The following SHROOM2 variants were observed in gnomAD, a reference collection of about 807,000 sequenced individuals.
SHROOM2 encodes shroom family member 2.
In SHROOM2, 33 loss-of-function variants were observed where a neutral mutation model predicts 75.9. The observed-to-expected ratio is 0.43, with a 90% CI of 0.33 to 0.58. SHROOM2 has a LOEUF of 0.58. SHROOM2 is among the 20% of genes least tolerant of loss of function. The pLI is 0.04. For synonymous variants in SHROOM2, 655 were observed against 663.6 expected (o/e 0.99, Z 0.20); for missense variants, 1,434 against 1,461.2 (o/e 0.98, Z 0.30).
At chrX:9,920,132 C>T (rs768584083) in intron 5 of SHROOM2, among the ~76,000 whole-genome samples, 11 of 108,973 alleles carry the variant, frequency 1.0e-4, no homozygotes, top group East Asian at 8.8e-4. Flanking sequence ...CATCTCAACT[C>T]GCTACAACTC....
chrX:9,796,854 A>G (rs1362958393), intron 1 of SHROOM2, among the ~76,000 whole-genome samples: 1 of 111,051 alleles, frequency 9.0e-6, no homozygotes, highest in Non-Finnish European at 1.9e-5. Flanking sequence ...CATATTGCCC[A>G]GGGTGGTCTC....
At chrX:9,839,002 C>T (rs905168119) in intron 1 of SHROOM2, among the ~76,000 whole-genome samples, 5 of 111,108 alleles carry the variant, frequency 4.5e-5, no homozygotes, top group Admixed American at 9.6e-5. Context: ...TGGACCCTTT[C>T]CTTCCCTGTC....
At chrX:9,809,442 A>G (rs185582384) in intron 1 of SHROOM2, among the ~76,000 whole-genome samples, 43 of 111,778 alleles carry the variant, frequency 3.8e-4, no homozygotes, top group African/African-American at 1.2e-3. Context: ...AGACACACCC[A>G]GGATCAATAC....
At chrX:9,925,427 T>C (rs1054081335) in intron 5 of SHROOM2, among the ~76,000 whole-genome samples, 1 of 112,873 alleles carries the variant, frequency 8.9e-6, no homozygotes, top group Non-Finnish European at 1.9e-5. Flanking sequence ...TTCTGTGCTT[T>C]ACAGAATCCC....
At chrX:9,790,774 C>T (rs1445675665) in intron 1 of SHROOM2, among the ~76,000 whole-genome samples, 1 of 111,536 alleles carries the variant, frequency 9.0e-6, no homozygotes, top group African/African-American at 3.3e-5. Flanking sequence ...TTGGTAGGCC[C>T]GCCTTGCCAA....
In SHROOM2 at chrX:9,939,375, G is replaced by A. The variant is rs747087791; in HGVS notation, c.4311+9G>A. The A allele has an allele frequency of 3.4e-6, 4 of 1,190,875 alleles. No homozygotes were observed. The highest frequency in any genetic ancestry group is 4.5e-6 in the Non-Finnish European group (4 of 884,172). On this transcript the variant is annotated intron_variant, in intron 8 of 9. Transcript: ENST00000380913. ...ACCTGTCGGTGAAGAAGGTAGGAGA[G>A]TCCATTCCAAATGACAGCGTGTGCG...
chrX:9,823,158 TCTTCTTTTC>T (rs2083868016), intron 1 of SHROOM2, among the ~76,000 whole-genome samples: 1 of 37,907 alleles, frequency 2.6e-5, no homozygotes, highest in South Asian at 1.3e-3. Context: ...TCTTCCTTCT[TCTTCTTTTC>T]TTCTTCTTCT....
At chrX:9,898,912 C>T (rs995135291) in intron 5 of SHROOM2, among the ~76,000 whole-genome samples, 17 of 111,213 alleles carry the variant, frequency 1.5e-4, no homozygotes, top group South Asian at 7.6e-4. Flanking sequence ...GCGCCGTAGC[C>T]GCTTAGTTGA....
intron 1 of SHROOM2, among the ~76,000 whole-genome samples, chrX:9,840,610 A>G (rs1324247499): frequency 3.6e-5 from 4 of 112,213 alleles, no homozygotes; most frequent in Non-Finnish European, 7.5e-5. Flanking sequence ...TCAGAATTCT[A>G]TGAAATCATT....
chrX:9,894,499 CG>C lies in SHROOM2; in HGVS notation c.592del (p.Asp198ThrfsTer263), dbSNP rs1569160533. 8.3e-7 allele frequency: 1 copy of C among 1,211,281 alleles called. No homozygotes were observed. The highest frequency in any genetic ancestry group is 2.2e-5 in the Admixed American group (1 of 46,020). ...LSVAKSNSSIDHLGSHSKRDS... is the reference protein window; with the variant it reads ...LSVAKSNSSIXHLGSHSKRDS... ...CGGTGGCCAAGTCCAACAGCAGCAT[CG>C]ACCACCTGGGCAGCCACAGCAAGCG... On this transcript the variant is annotated frameshift_variant, in exon 4 of 10. Transcript: ENST00000380913. LOFTEE classifies it high-confidence loss of function.
At chrX:9,816,665 G>A in intron 1 of SHROOM2, among the ~76,000 whole-genome samples, 1 of 110,813 alleles carries the variant, frequency 9.0e-6, no homozygotes, top group East Asian at 2.9e-4. Flanking sequence ...AAGTGGACAT[G>A]GGGTTGATTC....
intron 5 of SHROOM2, among the ~76,000 whole-genome samples, chrX:9,908,783 C>G (rs1039863280): frequency 1.8e-5 from 2 of 108,580 alleles, no homozygotes; most frequent in African/African-American, 6.7e-5. Context: ...GAGACCCCAT[C>G]TCTACAAAAA....
chrX:9,937,821 C>T, intron 7 of SHROOM2, 136 bp downstream of exon 7: 1 of 567,492 alleles, frequency 1.8e-6, no homozygotes, highest in Admixed American at 4.2e-5. Flanking sequence ...CTCCTCGATG[C>T]TTAGCACTTT....
chrX:9,898,420 G>A (rs1265767077), intron 5 of SHROOM2, 130 bp downstream of exon 5: 6 of 503,160 alleles, frequency 1.2e-5, no homozygotes, highest in South Asian at 6.5e-5. Flanking sequence ...GAAATCCGGC[G>A]TGATTTCTAG....
intron 2 of SHROOM2, among the ~76,000 whole-genome samples, chrX:9,881,239 T>C (rs1281897078): frequency 8.9e-6 from 1 of 112,162 alleles, no homozygotes; most frequent in Admixed American, 9.5e-5. Context: ...TGTGCTTGCC[T>C]TTAATAGTAC....
intron 2 of SHROOM2, among the ~76,000 whole-genome samples, chrX:9,883,956 G>A (rs1294122562): frequency 1.8e-5 from 2 of 111,390 alleles, no homozygotes; most frequent in Non-Finnish European, 3.8e-5. Flanking sequence ...ATCCTGGACC[G>A]GTATCTGCAA....
intron 2 of SHROOM2, among the ~76,000 whole-genome samples, chrX:9,876,523 GTC>G (rs1170304876): frequency 1.8e-5 from 2 of 112,094 alleles, no homozygotes; most frequent in Non-Finnish European, 3.8e-5. Flanking sequence ...TCTGCCTTCT[GTC>G]TCTATGGATT....
At position 9,937,519 on chromosome X, in the gene SHROOM2, G is replaced by T. The variant is rs768256757; in HGVS notation, c.3973G>T (p.Gly1325Trp). ...KSEELAREIV[G>W]KDKSLADILD... ...GGAGGAGCTGGCCAGGGAGATCGTG[G>T]GGAAGGATAAGTCCCTGGCCGACAT... The change falls in exon 7 of 10, where the codon GGG becomes TGG. Residue 1325 changes from glycine to tryptophan, a missense_variant. Gly to Trp is a radical substitution (Grantham distance 184). This residue lies in a region of SHROOM2 where 1,340 missense variants were observed against 1,338.3 expected (regional missense o/e 1.00). Transcript: ENST00000380913. 8.3e-6 allele frequency: 10 copies of T among 1,210,107 alleles called. No individual in the cohort carries two copies. In the South Asian group the frequency reaches 1.4e-4, roughly 17 times the overall value.
intron 7 of SHROOM2, among the ~76,000 whole-genome samples, chrX:9,938,590 C>T (rs1390866975): frequency 8.9e-6 from 1 of 112,267 alleles, no homozygotes; most frequent in Non-Finnish European, 1.9e-5. Context: ...ACAATTTACA[C>T]CTGCCTGAAC....
Sources: gnomAD v4.1 joint callset for allele counts (sites outside exome capture counted in the v4.1 genomes callset) on GRCh38, gnomAD v4.1.1 for gene constraint, gnomAD v4.1.1 regional missense constraint, MANE v1.5 for transcripts, NCBI Gene and HGNC (gene_info 2026-07-23, HGNC 2026-07-21) for gene names.